PIEZO2: variants seen among roughly 807,000 people sequenced by gnomAD.
PIEZO2 encodes piezo-type mechanosensitive ion channel component 2.
A neutral mutation model predicts 337.3 loss-of-function variants in PIEZO2; 172 were observed. The observed-to-expected ratio is 0.51, with a 90% confidence interval of 0.45 to 0.58. The LOEUF (loss-of-function observed/expected upper bound fraction) is 0.58. Among genes scored for constraint, PIEZO2 ranks in the 20% least tolerant of loss-of-function variants. The pLI, the probability that PIEZO2 is intolerant of heterozygous loss-of-function variation, is 0.00. For synonymous variants in PIEZO2, 1,251 were observed against 1,228.5 expected, an observed-to-expected ratio of 1.02 and a Z score of -0.38; for missense variants, 3,028 against 3,391.3, an observed-to-expected ratio of 0.89 and a Z score of 2.66.
chr18:10,931,525 T>A (rs2032085743), intron 3 of PIEZO2, among the ~76,000 whole-genome samples: 1 of 152,220 alleles, frequency 6.6e-6, no homozygotes, highest in South Asian at 2.1e-4. Flanking sequence ...TAATAGACTC[T>A]AGAACTTAAT....
intron 36 of PIEZO2, among the ~76,000 whole-genome samples, chr18:10,730,849 C>A (rs1567995082): frequency 6.6e-6 from 1 of 152,122 alleles, no homozygotes; most frequent in Non-Finnish European, 1.5e-5. Flanking sequence ...GCCTCAGCCT[C>A]CCGAGTAGCT....
intron 2 of PIEZO2, among the ~76,000 whole-genome samples, chr18:11,049,312 G>A (rs1214491526): frequency 6.6e-6 from 1 of 152,198 alleles, no homozygotes. Context: ...TGGAGATTAT[G>A]CAGTGAATAG....
intron 1 of PIEZO2, among the ~76,000 whole-genome samples, chr18:11,081,576 T>A (rs1282431457): frequency 6.6e-6 from 1 of 152,128 alleles, no homozygotes; most frequent in African/African-American, 2.4e-5. Flanking sequence ...TCCTGAGCCA[T>A]CCTGGGGCCA....
chr18:10,747,505 T>C (rs892955633), intron 30 of PIEZO2, among the ~76,000 whole-genome samples: 1 of 152,220 alleles, frequency 6.6e-6, no homozygotes, highest in African/African-American at 2.4e-5. Context: ...GAAAATAATG[T>C]CCTGGGTATT....
At chr18:10,857,465 CTT>C (rs538916322) in intron 5 of PIEZO2, among the ~76,000 whole-genome samples, 1 of 145,838 alleles carries the variant, frequency 6.9e-6, no homozygotes. Context: ...CCTATTTGTG[CTT>C]TTTTTTTTTA....
rs765829841 is a variant in PIEZO2 at position 10,919,193 on chromosome 18, GTGAATTGTCTCTTCA to G, written c.287-7980_287-7966del. On this transcript the variant is annotated intron_variant, in intron 3 of 55. Transcript: ENST00000674853. ...TTTTAACATTTTATGTGCATGTTGT[GTGAATTGTCTCTTCA>G]TGCCCATTGTCTATTAGATGTTTGT... is the stretch of plus-strand genomic sequence containing the variant. 5.0e-3 allele frequency among the ~76,000 whole-genome samples: 757 copies of G among 152,058 alleles called. 5 individuals carry two copies. The highest frequency in any genetic ancestry group is 7.1e-3 in the Non-Finnish European group (483 of 67,980).
At chr18:10,891,805 C>T (rs1207448945) in intron 4 of PIEZO2, among the ~76,000 whole-genome samples, 1 of 152,108 alleles carries the variant, frequency 6.6e-6, no homozygotes, top group Non-Finnish European at 1.5e-5. Flanking sequence ...ATAAATAGCT[C>T]TGAGTTTTTA....
At chr18:10,843,396 G>T (rs1375525530) in intron 7 of PIEZO2, among the ~76,000 whole-genome samples, 1 of 151,858 alleles carries the variant, frequency 6.6e-6, no homozygotes, top group Non-Finnish European at 1.5e-5. Flanking sequence ...GATCTCTTTA[G>T]ATTTCATTTT....
intron 3 of PIEZO2, among the ~76,000 whole-genome samples, chr18:10,917,002 A>G (rs1406582054): frequency 1.3e-5 from 2 of 152,110 alleles, no homozygotes; most frequent in East Asian, 3.9e-4. Context: ...TGCCTATAGA[A>G]GTTCTCTGTC....
chr18:10,896,936 G>GA (rs367637731), intron 4 of PIEZO2, among the ~76,000 whole-genome samples: 1 of 152,094 alleles, frequency 6.6e-6, no homozygotes, highest in Non-Finnish European at 1.5e-5. Context: ...AATCTCTGCT[G>GA]AAAAAAAGTC....
rs1417302195 is a variant in PIEZO2, at chr18:10,770,138, G to A, written c.2946+10C>T. Reference sequence around the variant, plus strand: ...TGTTCAGCCTGATGATAGGACAAATGTTCACTTGCCTCTTTCACAGAAACC... The same window carrying A: ...TGTTCAGCCTGATGATAGGACAAATATTCACTTGCCTCTTTCACAGAAACC... On this transcript the variant is annotated intron_variant, in intron 21 of 55. Coordinates refer to ENST00000674853, the MANE Select transcript of PIEZO2 (RefSeq NM_001378183.1). 1.3e-6 allele frequency: 2 copies of A among 1,536,932 alleles called. No individual in the cohort carries two copies. The highest frequency in any genetic ancestry group is 1.7e-6 in the Non-Finnish European group (2 of 1,146,784).
chr18:11,015,876 T>A (rs1179368747), intron 2 of PIEZO2, among the ~76,000 whole-genome samples: 2 of 152,260 alleles, frequency 1.3e-5, no homozygotes, highest in East Asian at 3.8e-4. Context: ...CATGCACACA[T>A]GTTCAACTTC....
rs71169963 is a variant in PIEZO2 at position 10,972,172 on chromosome 18, C to CAA, written c.286+7361_286+7362dup. Among the ~76,000 whole-genome samples the CAA allele has an allele frequency of 9.3e-3, 840 of 90,384 alleles. 11 individuals carry two copies. The highest frequency in any genetic ancestry group is 0.032 in the African/African-American group (752 of 23,168). The allele number at this position is 90,384 out of a possible 152,430, so 59.3% of individuals were successfully genotyped here. A position where few individuals can be genotyped will look rare whatever the true frequency, so the allele number is the denominator to read the frequency against. ...TGGGTGACAGAGCGAGACTCCGCCT[C>CAA]AAAAAAAAAAAAAAAAAAAGAGAGA... On this transcript the variant is annotated intron_variant, in intron 3 of 55. Transcript: ENST00000674853.
At chr18:10,734,028 A>T (rs1347733543) in intron 35 of PIEZO2, among the ~76,000 whole-genome samples, 2 of 152,248 alleles carry the variant, frequency 1.3e-5, no homozygotes, top group African/African-American at 2.4e-5. Context: ...ATCAAAGTGG[A>T]GATCCTTAAC....
chr18:10,715,537 C>A (rs956038051), intron 38 of PIEZO2, 113 bp downstream of exon 38: 1 of 1,005,186 alleles, frequency 9.9e-7, no homozygotes, highest in African/African-American at 1.7e-5. Flanking sequence ...GGTTATGCCA[C>A]AACTGCCTGG....
In PIEZO2 at chr18:11,009,491, G is replaced by A. The variant is rs1355938448; in HGVS notation, c.161-29831C>T. On this transcript the variant is annotated intron_variant, in intron 2 of 55. Transcript: ENST00000674853. This position sits in a 1 kb window ranked among gnomAD's most constrained non-coding sequence, Gnocchi z 4.6. ...TTGAGCCCAGCTCAGCTCATGGACT[G>A]GTTGAGGCGCGTGTGAGAGCAGCGT... Among the ~76,000 whole-genome samples the A allele has an allele frequency of 6.6e-6, 1 of 152,204 alleles. No individual in the cohort carries two copies. The highest frequency in any genetic ancestry group is 1.5e-5 in the Non-Finnish European group (1 of 68,038).
intron 2 of PIEZO2, among the ~76,000 whole-genome samples, chr18:11,024,132 C>T (rs551066580): frequency 6.7e-4 from 102 of 152,350 alleles, no homozygotes; most frequent in African/African-American, 2.4e-3. Context: ...TCAAGCGCGG[C>T]CTGAGTGGGC....
chr18:10,754,495 T>G (rs1255138468), intron 27 of PIEZO2, among the ~76,000 whole-genome samples: 1 of 152,216 alleles, frequency 6.6e-6, no homozygotes, highest in Non-Finnish European at 1.5e-5. Flanking sequence ...AACAAAAATT[T>G]GAAATAACTA....
chr18:10,672,626 C>T lies in PIEZO2; in HGVS notation c.8345+64G>A. 1 of 1,535,304 alleles carries T rather than the reference C, an allele frequency of 6.5e-7. No homozygotes were observed. The highest frequency in any genetic ancestry group is 8.8e-7 in the Non-Finnish European group (1 of 1,135,810). On this transcript the variant is annotated intron_variant, in intron 55 of 55. Transcript: ENST00000674853. The surrounding 1 kb of genome is among the most constrained non-coding windows in gnomAD (Gnocchi z 4.7). ...TTCTAAGAAGATAAAAGGCTTCCCA[C>T]TCTCAACTTTACATGATACAGAAGT...
Sources: allele counts gnomAD v4.1 joint callset (sites outside exome capture counted in the v4.1 genomes callset), GRCh38; gene constraint gnomAD v4.1.1; non-coding constraint Gnocchi (gnomAD v3.1); transcripts MANE v1.5; gene names NCBI Gene and HGNC (gene_info 2026-07-23, HGNC 2026-07-21).